Variants in FOXP1 observed in about 807,000 individuals in gnomAD.
FOXP1 encodes the protein forkhead box protein P1.
Under a neutral mutation model 98.2 loss-of-function variants are expected in FOXP1, and 15 were observed. That is an observed-to-expected ratio of 0.15 (90% CI 0.10 to 0.24). The LOEUF (loss-of-function observed/expected upper bound fraction) is 0.24. Ranked by LOEUF, FOXP1 falls within the 10% of genes least tolerant of loss-of-function variation. The pLI is 1.00. For missense variants in FOXP1, 633 were observed against 848.5 expected, an observed-to-expected ratio of 0.75 and a Z score of 3.15; for synonymous variants, 371 against 314.5, an observed-to-expected ratio of 1.18 and a Z score of -1.90.
intron 6 of FOXP1, among the ~76,000 whole-genome samples, chr3:71,154,481 C>T (rs902295998): frequency 3.9e-5 from 6 of 152,196 alleles, no homozygotes; most frequent in Non-Finnish European, 1.5e-5. Flanking sequence ...AAGTATCTCA[C>T]ATATACACTG....
Position 71,036,775 on chromosome 3 carries a change from C to T in FOXP1, c.869+4553G>A, listed in dbSNP as rs753311710. 5.3e-5 allele frequency among the ~76,000 whole-genome samples: 8 copies of T among 152,228 alleles called. No homozygotes were observed. In the East Asian group the frequency reaches 7.7e-4, roughly 15 times the overall value. Reference sequence around the variant, plus strand: ...CCCACCTATCCCGCTTCATGAAAGGCCTGGTAAATATGAATATACACCATA... The same window carrying T: ...CCCACCTATCCCGCTTCATGAAAGGTCTGGTAAATATGAATATACACCATA... On this transcript the variant is annotated intron_variant, in intron 11 of 20. Transcript: ENST00000649528.
intron 2 of FOXP1, among the ~76,000 whole-genome samples, chr3:71,556,775 G>A (rs1013335961): frequency 6.6e-6 from 1 of 151,334 alleles, no homozygotes; most frequent in African/African-American, 2.4e-5. Flanking sequence ...CTTTGACCTA[G>A]TAAATTCACT....
intron 7 of FOXP1, among the ~76,000 whole-genome samples, chr3:71,060,955 C>A (rs569747827): frequency 6.6e-6 from 1 of 152,276 alleles, no homozygotes; most frequent in East Asian, 1.9e-4. Flanking sequence ...AATTTCTCCT[C>A]AAACAACTCA....
At chr3:71,431,679 T>C (rs1181424894) in intron 3 of FOXP1, among the ~76,000 whole-genome samples, 3 of 152,198 alleles carry the variant, frequency 2.0e-5, no homozygotes, top group Non-Finnish European at 4.4e-5. Flanking sequence ...CTAAAGTTAA[T>C]AGAAACTTCA....
intron 4 of FOXP1, among the ~76,000 whole-genome samples, chr3:71,355,013 T>TC (rs1350082087): frequency 6.6e-6 from 1 of 152,200 alleles, no homozygotes; most frequent in Admixed American, 6.5e-5. Context: ...AATGATTCTG[T>TC]CTTCATGGGG....
chr3:71,124,457 AACT>A (rs2059011341), intron 6 of FOXP1, among the ~76,000 whole-genome samples: 1 of 151,942 alleles, frequency 6.6e-6, no homozygotes, highest in Non-Finnish European at 1.5e-5. Flanking sequence ...TATGTAAAAT[AACT>A]ACAATAGTTA....
chr3:71,303,735 A>G (rs2074042610), intron 4 of FOXP1, among the ~76,000 whole-genome samples: 1 of 152,158 alleles, frequency 6.6e-6, no homozygotes, highest in Non-Finnish European at 1.5e-5. Flanking sequence ...AGATTTCAAA[A>G]AAGAAAAGAA....
At chr3:70,967,468 T>G (rs1022146151) in intron 19 of FOXP1, among the ~76,000 whole-genome samples, 1 of 152,136 alleles carries the variant, frequency 6.6e-6, no homozygotes, top group Admixed American at 6.5e-5. Flanking sequence ...ACTGCCTTCT[T>G]TTAAAAAGTA....
chr3:71,500,766 T>G (rs557723314), intron 2 of FOXP1, among the ~76,000 whole-genome samples: 2 of 152,328 alleles, frequency 1.3e-5, no homozygotes, highest in South Asian at 4.1e-4. Flanking sequence ...CCACCTCACC[T>G]GTCACCTACC....
intron 5 of FOXP1, among the ~76,000 whole-genome samples, chr3:71,203,620 A>C (rs775717476): frequency 6.6e-6 from 1 of 152,248 alleles, no homozygotes; most frequent in Non-Finnish European, 1.5e-5. Context: ...AAGGTTGACC[A>C]AGTCAGGCAG....
chr3:71,339,731 C>T (rs2076905519), intron 4 of FOXP1, among the ~76,000 whole-genome samples: 1 of 152,174 alleles, frequency 6.6e-6, no homozygotes, highest in Admixed American at 6.5e-5. Flanking sequence ...TAGCTGACGG[C>T]TGTTGGGAAA....
chr3:71,349,135 C>T (rs942635610), intron 4 of FOXP1, among the ~76,000 whole-genome samples: 5 of 151,646 alleles, frequency 3.3e-5, no homozygotes, highest in African/African-American at 7.3e-5. Flanking sequence ...TGCAATGCAT[C>T]CATCATATTT....
chr3:71,073,941 G>T (rs2053534527), intron 7 of FOXP1, among the ~76,000 whole-genome samples: 1 of 152,150 alleles, frequency 6.6e-6, no homozygotes, highest in Admixed American at 6.5e-5. Flanking sequence ...AAGGACCAGA[G>T]CCACTCATGA....
At chr3:71,579,484 A>C (rs1007786598) in intron 2 of FOXP1, among the ~76,000 whole-genome samples, 1 of 152,202 alleles carries the variant, frequency 6.6e-6, no homozygotes, top group African/African-American at 2.4e-5. Context: ...ACTTGAATAA[A>C]AGTAGCAACG....
intron 4 of FOXP1, among the ~76,000 whole-genome samples, chr3:71,300,202 G>A (rs1010148497): frequency 1.3e-5 from 2 of 152,046 alleles, no homozygotes; most frequent in Admixed American, 6.6e-5. Flanking sequence ...CTCTGTTTTT[G>A]GAAACCAGAC....
chr3:71,078,837 A>T (rs2054102496), intron 7 of FOXP1, among the ~76,000 whole-genome samples: 1 of 152,142 alleles, frequency 6.6e-6, no homozygotes, highest in African/African-American at 2.4e-5. Context: ...ACTAGTCATA[A>T]ATAGTGGCAA....
chr3:71,050,375 A>G (rs2049703438), intron 9 of FOXP1, among the ~76,000 whole-genome samples: 1 of 152,230 alleles, frequency 6.6e-6, no homozygotes, highest in Admixed American at 6.5e-5. Context: ...AGAAGTGGCA[A>G]CAGAAAGGAA....
intron 2 of FOXP1, among the ~76,000 whole-genome samples, chr3:71,536,693 G>A (rs1324544825): frequency 6.6e-6 from 1 of 151,120 alleles, no homozygotes; most frequent in East Asian, 2.0e-4. Context: ...TTTGAGCAAT[G>A]AACTGGATCC....
At chr3:71,046,437 AG>A (rs1179324137) in intron 10 of FOXP1, among the ~76,000 whole-genome samples, 1 of 152,204 alleles carries the variant, frequency 6.6e-6, no homozygotes, top group Non-Finnish European at 1.5e-5. Context: ...AACTAAACAA[AG>A]TTTTCCTTTT....
Sources: gnomAD v4.1 joint callset for allele counts (sites outside exome capture counted in the v4.1 genomes callset) on GRCh38, gnomAD v4.1.1 for gene constraint, MANE v1.5 for transcripts, NCBI Gene and HGNC (gene_info 2026-07-23, HGNC 2026-07-21) for gene names.